CACNG4: variants seen among roughly 807,000 people sequenced by gnomAD.
CACNG4 encodes calcium voltage-gated channel auxiliary subunit gamma 4.
A neutral mutation model predicts 22.9 loss-of-function variants in CACNG4; 8 were observed. The observed-to-expected ratio is 0.35, with a 90% CI of 0.21 to 0.63. The LOEUF is 0.63. Ranked by LOEUF, CACNG4 falls within the 30% of genes least tolerant of loss-of-function variation. The pLI, the probability that CACNG4 is intolerant of heterozygous loss-of-function variation, is 0.72. For missense variants in CACNG4, 357 were observed against 455.4 expected (o/e 0.78, Z 1.97); for synonymous variants, 188 against 191.9 (o/e 0.98, Z 0.17).
rs138870596 is a variant in CACNG4, at chr17:66,973,514, G to T, written c.220+8383G>T. Among the ~76,000 whole-genome samples, 491 of 152,322 alleles carry T rather than the reference G, an allele frequency of 3.2e-3. 4 individuals are homozygous for T. The highest frequency in any genetic ancestry group is 0.011 in the African/African-American group (462 of 41,566). ...AGGAGCAGAAAGTGGCTGTGGGGCT[G>T]CCTGGCTGGGGCTCTGTCCCAGCAT... On this transcript the variant is annotated intron_variant, in intron 1 of 3. Transcript: ENST00000262138.
intron 1 of CACNG4, among the ~76,000 whole-genome samples, chr17:66,971,438 A>G (rs1449708277): frequency 6.6e-6 from 1 of 152,176 alleles, no homozygotes; most frequent in Admixed American, 6.5e-5. Flanking sequence ...GCACAGGCTC[A>G]CTGAACACCT....
At chr17:66,996,086 C>T (rs560656946) in intron 1 of CACNG4, among the ~76,000 whole-genome samples, 7 of 152,146 alleles carry the variant, frequency 4.6e-5, no homozygotes, top group Middle Eastern at 3.4e-3. Context: ...CTTCCAGGAG[C>T]GACTGGTTGA....
chr17:66,969,801 A>G (rs570374130), intron 1 of CACNG4, among the ~76,000 whole-genome samples: 1 of 152,154 alleles, frequency 6.6e-6, no homozygotes, highest in South Asian at 2.1e-4. Flanking sequence ...CTCCCTACAT[A>G]GGACCATTCA....
At position 67,029,889 on chromosome 17, in the gene CACNG4, C is replaced by A. The variant is rs1324212521; in HGVS notation, c.446-577C>A. ...CAGCAGTTTCACTGCAAGGAATGCA[C>A]CCCGTGGTTGTACCCATGTGCACAT... On this transcript the variant is annotated intron_variant, in intron 3 of 3. Coordinates refer to ENST00000262138, the MANE Select transcript of CACNG4 (RefSeq NM_014405.4). Among the ~76,000 whole-genome samples the A allele has an allele frequency of 3.9e-5, 6 of 152,228 alleles. No homozygotes were observed. The South Asian group carries it at 1.2e-3, about 31-fold the overall frequency.
At chr17:66,965,594 G>A (rs1481329719) in intron 1 of CACNG4, among the ~76,000 whole-genome samples, 5 of 150,594 alleles carry the variant, frequency 3.3e-5, no homozygotes, top group African/African-American at 9.7e-5. Context: ...GGCAACCGGT[G>A]TCTGTGCTAT....
chr17:66,981,641 G>A (rs1018886414), intron 1 of CACNG4, among the ~76,000 whole-genome samples: 5 of 152,194 alleles, frequency 3.3e-5, no homozygotes, highest in African/African-American at 4.8e-5. Flanking sequence ...CCCGTGAGTA[G>A]GACGGTGCTC....
intron 1 of CACNG4, among the ~76,000 whole-genome samples, chr17:66,979,141 T>C (rs549819571): frequency 6.6e-6 from 1 of 152,356 alleles, no homozygotes; most frequent in East Asian, 1.9e-4. Flanking sequence ...GGTTCCTTTT[T>C]GTGTGAGCAT....
intron 1 of CACNG4, among the ~76,000 whole-genome samples, chr17:66,982,496 G>A (rs961716329): frequency 6.0e-5 from 8 of 134,238 alleles, no homozygotes; most frequent in Non-Finnish European, 1.4e-4. Flanking sequence ...GCTACAGGGC[G>A]TTGATTGGCG....
chr17:67,021,124 C>T (rs565639483), intron 2 of CACNG4, among the ~76,000 whole-genome samples: 11 of 152,110 alleles, frequency 7.2e-5, no homozygotes, highest in African/African-American at 2.7e-4. Context: ...TCATTTGAGC[C>T]GAGGAAGTTG....
intron 1 of CACNG4, among the ~76,000 whole-genome samples, chr17:66,988,800 T>A (rs2035320817): frequency 6.6e-6 from 1 of 152,200 alleles, no homozygotes; most frequent in African/African-American, 2.4e-5. Flanking sequence ...GGCTCACGCC[T>A]GTGATCTCTG....
rs141542659 is a variant in CACNG4, at chr17:66,987,346, C to G, written c.220+22215C>G. On this transcript the variant is annotated intron_variant, in intron 1 of 3. Coordinates refer to ENST00000262138, the MANE Select transcript of CACNG4 (RefSeq NM_014405.4). The stretch of plus-strand genomic sequence containing the variant: ...TACACAATAGAGTCAACATATCACC[C>G]TTATCCTCTACCCATGTGAGAATTC... 5.3e-4 allele frequency among the ~76,000 whole-genome samples: 81 copies of G among 152,308 alleles called. 1 individual carries two copies. Among genetic ancestry groups the G allele is most frequent in the African/African-American group, 1.6e-3 (67 of 41,562 alleles).
At chr17:67,021,391 G>A (rs146840165) in intron 2 of CACNG4, among the ~76,000 whole-genome samples, 1,636 of 152,308 alleles carry the variant, frequency 0.011, 16 homozygotes, top group African/African-American at 0.022. Flanking sequence ...CTGCGTGGGC[G>A]TGGAGCACCA....
intron 1 of CACNG4, among the ~76,000 whole-genome samples, chr17:66,977,966 C>T (rs1005871918): frequency 6.6e-6 from 1 of 152,142 alleles, no homozygotes; most frequent in African/African-American, 2.4e-5. Context: ...GGGCTCCTCC[C>T]GGACGCCCTA....
At chr17:67,019,465 C>T (rs78823725) in intron 2 of CACNG4, among the ~76,000 whole-genome samples, 5,672 of 152,284 alleles carry the variant, frequency 0.037, 305 homozygotes, top group East Asian at 0.23. Flanking sequence ...AGGTTGCACA[C>T]TGCACAACTC....
Position 67,031,225 on chromosome 17 carries a change from G to A in CACNG4, c.*221G>A, listed in dbSNP as rs752206035. 4.3e-5 allele frequency: 28 copies of A among 647,880 alleles called. No homozygotes were observed. The highest frequency in any genetic ancestry group is 4.0e-4 in the Middle Eastern group (1 of 2,470). 40.1% of individuals were successfully genotyped at this position (647,880 alleles called of 1,614,324 possible). A position where few individuals can be genotyped will look rare whatever the true frequency, so the allele number is the denominator to read the frequency against. On this transcript the variant is annotated 3_prime_UTR_variant, in exon 4 of 4. Coordinates refer to ENST00000262138, the MANE Select transcript of CACNG4 (RefSeq NM_014405.4). The surrounding 1 kb of genome is among the most constrained non-coding windows in gnomAD (Gnocchi z 4.0). ...TGAAGGCTGACTTTGTCCCCTCCCC[G>A]AAAAAGGGTGTTTTGATGCCTCAGG... is the stretch of plus-strand genomic sequence containing the variant.
chr17:66,991,824 G>A (rs1292605503), intron 1 of CACNG4, among the ~76,000 whole-genome samples: 2 of 152,216 alleles, frequency 1.3e-5, no homozygotes, highest in African/African-American at 2.4e-5. Flanking sequence ...TGATGTTGAA[G>A]TGTACAGAAG....
rs1891520732 is a variant in CACNG4 at position 67,031,195 on chromosome 17, GA to G, written c.*193del. ...GGAGACCGGACCCGGGGCTGCAGAA[GA>G]AGCTGAAGGCTGACTTTGTCCCCTC... On this transcript the variant is annotated 3_prime_UTR_variant, in exon 4 of 4. Transcript: ENST00000262138. The surrounding 1 kb of genome is among the most constrained non-coding windows in gnomAD (Gnocchi z 4.0). 1.5e-6 allele frequency: 1 copy of G among 651,502 alleles called. No individual in the cohort carries two copies. Among genetic ancestry groups the G allele is most frequent in the African/African-American group, 1.8e-5 (1 of 55,278 alleles). The allele number at this position is 651,502 out of a possible 1,614,324, so 40.4% of individuals were successfully genotyped here.
chr17:67,006,337 C>T (rs1175402262), intron 1 of CACNG4, among the ~76,000 whole-genome samples: 1 of 152,166 alleles, frequency 6.6e-6, no homozygotes, highest in Admixed American at 6.5e-5. Flanking sequence ...ATGAGTTTTC[C>T]AGCTTCAGGA....
chr17:67,016,702 A>AG (rs1473970134), intron 1 of CACNG4, among the ~76,000 whole-genome samples: 1 of 152,156 alleles, frequency 6.6e-6, no homozygotes, highest in African/African-American at 2.4e-5. Context: ...CTGCAGGAGC[A>AG]GGGGGGCTGA....
Sources: allele counts gnomAD v4.1 joint callset (sites outside exome capture counted in the v4.1 genomes callset), GRCh38; gene constraint gnomAD v4.1.1; non-coding constraint Gnocchi (gnomAD v3.1); transcripts MANE v1.5; gene names NCBI Gene and HGNC (gene_info 2026-07-23, HGNC 2026-07-21).